Variants in PTPRN2 observed in about 807,000 individuals in gnomAD.
PTPRN2 encodes the protein protein tyrosine phosphatase receptor type N2, also known as receptor-type tyrosine-protein phosphatase N2.
Under a neutral mutation model 118.8 loss-of-function variants are expected in PTPRN2, and 74 were observed. The observed-to-expected ratio is 0.62, with a 90% CI of 0.52 to 0.76. PTPRN2 has a LOEUF of 0.76. PTPRN2 is among the 30% of genes least tolerant of loss of function. The probability of loss-of-function intolerance (pLI) is 0.00; values close to 1 mark genes in which losing one functional copy is unlikely to be tolerated. For synonymous variants in PTPRN2, 641 were observed against 608.0 expected (o/e 1.05, Z -0.80); for missense variants, 1,481 against 1,394.4 (o/e 1.06, Z -0.99).
intron 6 of PTPRN2, among the ~76,000 whole-genome samples, chr7:158,141,415 G>A (rs1056233743): frequency 2.0e-5 from 3 of 152,146 alleles, no homozygotes; most frequent in Admixed American, 6.5e-5. Context: ...CAGCGGGGCC[G>A]GCACCCGGTC....
chr7:157,819,229 T>A (rs969688982), intron 12 of PTPRN2, among the ~76,000 whole-genome samples: 5 of 152,118 alleles, frequency 3.3e-5, no homozygotes, highest in Non-Finnish European at 7.4e-5. Context: ...ACGCGCTCAT[T>A]TGGCGCTGGG....
chr7:158,513,435 G>T (rs1823316604), intron 1 of PTPRN2, among the ~76,000 whole-genome samples: 3 of 152,126 alleles, frequency 2.0e-5, no homozygotes, highest in African/African-American at 7.2e-5. Context: ...TGAAAACTAA[G>T]GAAATCTAAA....
At chr7:157,666,004 G>A (rs949737974) in intron 13 of PTPRN2, among the ~76,000 whole-genome samples, 1 of 152,216 alleles carries the variant, frequency 6.6e-6, no homozygotes, top group African/African-American at 2.4e-5. Context: ...GCCAGGGGGA[G>A]GGGTAGCATT....
rs76481492 is a variant in PTPRN2 at position 158,053,640 on chromosome 7, G to T, written c.1723+27658C>A. 4.3e-3 allele frequency among the ~76,000 whole-genome samples: 651 copies of T among 152,336 alleles called. 5 individuals are homozygous for T. The highest frequency in any genetic ancestry group is 0.015 in the African/African-American group (625 of 41,570). On this transcript the variant is annotated intron_variant, in intron 11 of 22. Coordinates refer to ENST00000389418, the MANE Select transcript of PTPRN2 (RefSeq NM_002847.5). The stretch of plus-strand genomic sequence containing the variant: ...AAGGAGATGTATTTAAACATGGCAG[G>T]CATTTGCCCGAAGCTGCTTGTAAAT...
At chr7:157,580,786 CCCTGCACACCCCAGCA>C (rs1171580750) in intron 17 of PTPRN2, among the ~76,000 whole-genome samples, 715 of 64,836 alleles carry the variant, frequency 0.011, 57 homozygotes, top group Non-Finnish European at 0.016. Context: ...ACACCCGAGC[CCCTGCACACCCCAGCA>C]CCTGCACACC....
intron 11 of PTPRN2, among the ~76,000 whole-genome samples, chr7:158,023,701 G>A (rs990176975): frequency 2.6e-5 from 4 of 152,158 alleles, no homozygotes; most frequent in African/African-American, 4.8e-5. Context: ...ATCTTGAAAT[G>A]AGTAAACAAA....
chr7:158,374,458 C>T (rs1341866503), intron 2 of PTPRN2, among the ~76,000 whole-genome samples: 7 of 152,142 alleles, frequency 4.6e-5, no homozygotes, highest in Admixed American at 4.6e-4. Flanking sequence ...GCAGAAACTC[C>T]ACTCCTGGAC....
Position 157,861,812 on chromosome 7 carries a change from G to A in PTPRN2, c.1788+36861C>T, listed in dbSNP as rs145817205. 1.1e-3 allele frequency among the ~76,000 whole-genome samples: 162 copies of A among 152,354 alleles called. No individual in the cohort carries two copies. Among genetic ancestry groups the A allele is most frequent in the Middle Eastern group, 3.4e-3 (1 of 294 alleles). On this transcript the variant is annotated intron_variant, in intron 12 of 22. Transcript: ENST00000389418. This position sits in a 1 kb window ranked among gnomAD's most constrained non-coding sequence, Gnocchi z 5.8. ...CGCAGACGGCTTCCCTCTGCATGCC[G>A]GAGTCTGTCCTCTCCGTCGCAGGGA...
chr7:158,522,634 C>A (rs141297826), intron 1 of PTPRN2, among the ~76,000 whole-genome samples: 7 of 152,190 alleles, frequency 4.6e-5, no homozygotes, highest in Non-Finnish European at 8.8e-5. Flanking sequence ...CACCTTGCTG[C>A]GGCTAGATGC....
At chr7:158,278,074 C>A (rs1799151191) in intron 3 of PTPRN2, among the ~76,000 whole-genome samples, 1 of 152,308 alleles carries the variant, frequency 6.6e-6, no homozygotes, top group East Asian at 1.9e-4. Flanking sequence ...GGCCGGGGAC[C>A]AAGTATGGCT....
chr7:158,044,644 C>T (rs1427738587), intron 11 of PTPRN2, among the ~76,000 whole-genome samples: 1 of 152,052 alleles, frequency 6.6e-6, no homozygotes, highest in African/African-American at 2.4e-5. Context: ...TGCAGGAGGC[C>T]ACAGGGGACA....
At chr7:158,130,762 C>T (rs1818144367) in intron 9 of PTPRN2, among the ~76,000 whole-genome samples, 3 of 150,428 alleles carry the variant, frequency 2.0e-5, no homozygotes, top group African/African-American at 7.4e-5. Flanking sequence ...ACCTGACATA[C>T]TCATATACAT....
At chr7:157,753,681 C>T (rs1335971942) in intron 12 of PTPRN2, among the ~76,000 whole-genome samples, 1 of 151,584 alleles carries the variant, frequency 6.6e-6, no homozygotes, top group East Asian at 1.9e-4. Flanking sequence ...ATGTGCCAGG[C>T]CCCACACCTG....
intron 2 of PTPRN2, among the ~76,000 whole-genome samples, chr7:158,457,159 G>C (rs1329137616): frequency 6.6e-6 from 1 of 152,174 alleles, no homozygotes; most frequent in Non-Finnish European, 1.5e-5. Context: ...GGTTTGCTAT[G>C]AATCTGATGA....
chr7:157,733,618 C>T (rs373595886), intron 12 of PTPRN2, among the ~76,000 whole-genome samples: 74 of 2,742 alleles, frequency 0.027, 5 homozygotes, highest in African/African-American at 0.073. Context: ...GCACAGTTAC[C>T]CTTTCCCGTC....
At chr7:157,795,753 C>T (rs938289637) in intron 12 of PTPRN2, among the ~76,000 whole-genome samples, 76 of 152,178 alleles carry the variant, frequency 5.0e-4, no homozygotes, top group African/African-American at 1.8e-3. Context: ...GTGGACGAGG[C>T]GGGAGGCGGG....
At chr7:158,328,557 G>A (rs1023291397) in intron 2 of PTPRN2, among the ~76,000 whole-genome samples, 1 of 152,192 alleles carries the variant, frequency 6.6e-6, no homozygotes, top group Non-Finnish European at 1.5e-5. Context: ...CCCCACGTCC[G>A]GGCAGCACCT....
intron 3 of PTPRN2, among the ~76,000 whole-genome samples, chr7:158,228,557 A>G (rs774190403): frequency 6.6e-6 from 1 of 152,050 alleles, no homozygotes; most frequent in Non-Finnish European, 1.5e-5. Context: ...CAGAGAAGCA[A>G]AAACACACAC....
At chr7:158,157,979 A>G (rs1190845544) in intron 6 of PTPRN2, among the ~76,000 whole-genome samples, 1 of 152,030 alleles carries the variant, frequency 6.6e-6, no homozygotes, top group Non-Finnish European at 1.5e-5. Flanking sequence ...GAGATTAACA[A>G]TTTATCAGTG....
Sources: gnomAD v4.1 joint callset for allele counts (sites outside exome capture counted in the v4.1 genomes callset) on GRCh38, gnomAD v4.1.1 for gene constraint, Gnocchi (gnomAD v3.1) non-coding constraint, MANE v1.5 for transcripts, NCBI Gene and HGNC (gene_info 2026-07-23, HGNC 2026-07-21) for gene names.